Variants in CHRM3 observed in about 807,000 individuals in gnomAD.
The protein encoded by CHRM3 is muscarinic acetylcholine receptor M3.
In CHRM3, 11 loss-of-function variants were observed where a neutral mutation model predicts 41.8. That is an observed-to-expected ratio of 0.26 (90% CI 0.17 to 0.44). The LOEUF (loss-of-function observed/expected upper bound fraction) is 0.44, where lower values mean the gene tolerates loss of function less well. CHRM3 is among the 20% of genes least tolerant of loss of function. The pLI is 1.00. For synonymous variants in CHRM3, 297 were observed against 301.4 expected (o/e 0.99, Z 0.15); for missense variants, 571 against 745.4 (o/e 0.77, Z 2.72).
chr1:239,718,886 CA>C (rs1558483678), intron 5 of CHRM3: 3 of 151,902 alleles, frequency 2.0e-5, no homozygotes, highest in Admixed American at 2.0e-4. Flanking sequence ...ACTAACAGTA[CA>C]TCTTTTTCTA....
chr1:239,719,160 T>G (rs1662683171), intron 5 of CHRM3: 1 of 151,894 alleles, frequency 6.6e-6, no homozygotes, highest in South Asian at 2.1e-4. Context: ...AATGATGAAA[T>G]GGGTGAGCTC....
intron 2 of CHRM3, among the ~76,000 whole-genome samples, chr1:239,509,493 G>A (rs141826046): frequency 3.3e-5 from 5 of 152,126 alleles, no homozygotes; most frequent in Non-Finnish European, 7.3e-5. Flanking sequence ...TCAAGGTAGA[G>A]CTGGAGTTGA....
chr1:239,613,704 T>C (rs886703270), intron 3 of CHRM3, among the ~76,000 whole-genome samples: 1 of 152,246 alleles, frequency 6.6e-6, no homozygotes, highest in Non-Finnish European at 1.5e-5. Context: ...CCCGGCAGTC[T>C]TCCCTCTGCA....
chr1:239,409,504 C>T (rs1472083227), intron 1 of CHRM3, among the ~76,000 whole-genome samples: 1 of 152,130 alleles, frequency 6.6e-6, no homozygotes, highest in Non-Finnish European at 1.5e-5. Flanking sequence ...CCCCATCTCA[C>T]GTGTCTATGT....
chr1:239,570,094 T>A (rs745489036), intron 3 of CHRM3, among the ~76,000 whole-genome samples: 1 of 152,200 alleles, frequency 6.6e-6, no homozygotes. Flanking sequence ...TCTCAAATTG[T>A]AATTCCCATA....
chr1:239,705,269 C>T (rs1180587485), intron 5 of CHRM3: 1 of 152,204 alleles, frequency 6.6e-6, no homozygotes, highest in Non-Finnish European at 1.5e-5. Flanking sequence ...ATAGCCCTAT[C>T]TGAGCACAGT....
At chr1:239,661,817 G>T (rs1027592259) in intron 4 of CHRM3, among the ~76,000 whole-genome samples, 9 of 151,970 alleles carry the variant, frequency 5.9e-5, no homozygotes, top group African/African-American at 1.9e-4. Context: ...GATTTTAGCT[G>T]GTAGTAATAT....
intron 3 of CHRM3, among the ~76,000 whole-genome samples, chr1:239,573,257 GTT>G: frequency 6.6e-6 from 1 of 152,120 alleles, no homozygotes; most frequent in Middle Eastern, 3.4e-3. Flanking sequence ...TGCTATACCA[GTT>G]TGATATCCCA....
chr1:239,699,646 A>G (rs1660503944), intron 5 of CHRM3, among the ~76,000 whole-genome samples: 2 of 152,198 alleles, frequency 1.3e-5, no homozygotes, highest in Admixed American at 1.3e-4. Flanking sequence ...CTGATTGTTC[A>G]TAACAATAAA....
chr1:239,674,671 C>T (rs531627058), intron 4 of CHRM3, among the ~76,000 whole-genome samples: 1 of 142,452 alleles, frequency 7.0e-6, no homozygotes, highest in African/African-American at 2.7e-5. Flanking sequence ...GATTGCGCCA[C>T]TGCACTCCAG....
rs537464803 is a variant in CHRM3, at chr1:239,846,399, C to T, written c.-20+19021C>T. On this transcript the variant is annotated intron_variant, in intron 6 of 6. Coordinates refer to ENST00000676153, the MANE Select transcript of CHRM3 (RefSeq NM_001375978.1). ...TTGTTACAAGTTTGAAAAAATCCAA[C>T]AGACTTTATCGAAATTCAATCAAAC... Among the ~76,000 whole-genome samples the T allele has an allele frequency of 3.9e-5, 6 of 152,276 alleles. No individual in the cohort carries two copies. The East Asian group carries it at 1.2e-3, about 29-fold the overall frequency.
At chr1:239,440,107 A>T (rs1297732207) in intron 1 of CHRM3, among the ~76,000 whole-genome samples, 1 of 150,432 alleles carries the variant, frequency 6.6e-6, no homozygotes, top group Non-Finnish European at 1.5e-5. Flanking sequence ...CTGAGGCAGG[A>T]GAGTCACTTG....
intron 1 of CHRM3, among the ~76,000 whole-genome samples, chr1:239,443,620 G>C (rs1485879974): frequency 1.3e-5 from 2 of 152,178 alleles, no homozygotes; most frequent in African/African-American, 4.8e-5. Context: ...TATTTTGTTG[G>C]AAAGTGCTTA....
At chr1:239,415,770 T>C (rs1661445318) in intron 1 of CHRM3, among the ~76,000 whole-genome samples, 2 of 152,160 alleles carry the variant, frequency 1.3e-5, no homozygotes, top group Non-Finnish European at 2.9e-5. Flanking sequence ...TCTAACACAA[T>C]TCTAATCATA....
chr1:239,890,634 C>A (rs544282165), intron 6 of CHRM3, among the ~76,000 whole-genome samples: 8 of 152,264 alleles, frequency 5.3e-5, no homozygotes, highest in East Asian at 1.9e-4. Flanking sequence ...GTCACTTACA[C>A]TTTGGGTCAT....
At chr1:239,866,300 C>A (rs570049110) in intron 6 of CHRM3, among the ~76,000 whole-genome samples, 2 of 151,978 alleles carry the variant, frequency 1.3e-5, no homozygotes, top group Non-Finnish European at 2.9e-5. Flanking sequence ...TGGCGTGAAC[C>A]CGGGAGGCGG....
chr1:239,784,086 A>G (rs193090920), intron 5 of CHRM3, among the ~76,000 whole-genome samples: 3 of 152,314 alleles, frequency 2.0e-5, no homozygotes, highest in Non-Finnish European at 1.5e-5. Context: ...CATCAGTTCT[A>G]TAAGTTTTTG....
At chr1:239,529,631 ACAAAC>A (rs1670242912) in intron 2 of CHRM3, among the ~76,000 whole-genome samples, 1 of 42,034 alleles carries the variant, frequency 2.4e-5, no homozygotes, top group Non-Finnish European at 7.6e-5. Flanking sequence ...AAAAAAAAAA[ACAAAC>A]AAACAACAAC....
chr1:239,863,106 G>A (rs1048242129), intron 6 of CHRM3, among the ~76,000 whole-genome samples: 1 of 152,180 alleles, frequency 6.6e-6, no homozygotes, highest in African/African-American at 2.4e-5. Flanking sequence ...AAAGGACGGA[G>A]CCAAAACTCA....
Sources: gnomAD v4.1 joint callset for allele counts (sites outside exome capture counted in the v4.1 genomes callset) on GRCh38, gnomAD v4.1.1 for gene constraint, MANE v1.5 for transcripts, NCBI Gene and HGNC (gene_info 2026-07-23, HGNC 2026-07-21) for gene names.